UPRT: variants seen among roughly 807,000 people sequenced by gnomAD.
The protein encoded by UPRT is uracil phosphoribosyltransferase homolog, also known as RP11-311P8.3.
In UPRT, 5 loss-of-function variants were observed where a neutral mutation model predicts 22.6. That is an observed-to-expected ratio of 0.22 (90% CI 0.12 to 0.47). The LOEUF is 0.47. Among genes scored for constraint, UPRT ranks in the 20% least tolerant of loss-of-function variants. The pLI is 0.99. For synonymous variants in UPRT, 77 were observed against 87.7 expected, an observed-to-expected ratio of 0.88 and a Z score of 0.68; for missense variants, 181 against 239.9, an observed-to-expected ratio of 0.75 and a Z score of 1.62.
At chrX:75,170,915 C>G (rs938185834) in intron 4 of UPRT, among the ~76,000 whole-genome samples, 5 of 111,627 alleles carry the variant, frequency 4.5e-5, no homozygotes, top group African/African-American at 9.8e-5. Flanking sequence ...TCCCTTCTAA[C>G]TTGTAGGGTT....
At chrX:75,235,660 T>C (rs769442315) in intron 4 of UPRT, among the ~76,000 whole-genome samples, 13 of 111,972 alleles carry the variant, frequency 1.2e-4, no homozygotes, top group African/African-American at 3.9e-4. Flanking sequence ...AATCAATAAA[T>C]GTAATCCAGC....
intron 4 of UPRT, among the ~76,000 whole-genome samples, chrX:75,214,655 A>G (rs1331393904): frequency 8.9e-6 from 1 of 112,418 alleles, no homozygotes; most frequent in Admixed American, 9.4e-5. Context: ...CATGCCTGTA[A>G]TTTCAACACT....
chrX:75,194,512 G>A (rs1015983642), intron 4 of UPRT, among the ~76,000 whole-genome samples: 2 of 111,311 alleles, frequency 1.8e-5, no homozygotes, highest in African/African-American at 6.5e-5. Flanking sequence ...GGGTTCAGGG[G>A]TGCCATCCTC....
chrX:75,289,798 G>T (rs1391760642), intron 1 of UPRT, among the ~76,000 whole-genome samples: 2 of 110,839 alleles, frequency 1.8e-5, no homozygotes, highest in African/African-American at 6.5e-5. Flanking sequence ...TCACCATGTA[G>T]AAAACTTAAG....
intron 1 of UPRT, among the ~76,000 whole-genome samples, chrX:75,159,552 G>A (rs1330745955): frequency 9.0e-6 from 1 of 111,394 alleles, no homozygotes; most frequent in Non-Finnish European, 1.9e-5. Context: ...TTCAAAATCC[G>A]AATTTTAATT....
chrX:75,230,437 C>T (rs2082434862), intron 4 of UPRT, among the ~76,000 whole-genome samples: 1 of 111,685 alleles, frequency 9.0e-6, no homozygotes, highest in Non-Finnish European at 1.9e-5. Flanking sequence ...AGATTATATC[C>T]CCCTTCTACT....
chrX:75,251,060 C>T (rs927317274), intron 4 of UPRT, among the ~76,000 whole-genome samples: 7 of 111,410 alleles, frequency 6.3e-5, no homozygotes, highest in African/African-American at 2.3e-4. Context: ...TGGGATGTAT[C>T]TCAAAATAAT....
At chrX:75,247,854 G>C (rs1011306253) in intron 4 of UPRT, among the ~76,000 whole-genome samples, 1 of 111,552 alleles carries the variant, frequency 9.0e-6, no homozygotes. Flanking sequence ...TCACAGGGCC[G>C]GGTACTCCTC....
chrX:75,299,674 C>T (rs1044664869), intron 4 of UPRT, 61 bp from the exon 5 acceptor site: 1 of 1,092,107 alleles, frequency 9.2e-7, no homozygotes, highest in Admixed American at 3.0e-5. Flanking sequence ...ATACTTTGGC[C>T]TGTTCTTGGA....
intron 4 of UPRT, among the ~76,000 whole-genome samples, chrX:75,217,618 G>T (rs1246487587): frequency 3.6e-5 from 4 of 111,942 alleles, no homozygotes; most frequent in African/African-American, 6.5e-5. Flanking sequence ...TCTGTTGTTG[G>T]TGTATAAGAA....
At chrX:75,290,415 A>G (rs751467762) in intron 1 of UPRT, among the ~76,000 whole-genome samples, 14 of 111,765 alleles carry the variant, frequency 1.3e-4, no homozygotes, top group African/African-American at 4.5e-4. Context: ...AATTATTAGA[A>G]ACCATTTGAC....
chrX:75,303,210 G>A (rs909278315), intron 6 of UPRT, among the ~76,000 whole-genome samples, 195 bp from the exon 7 acceptor site: 6 of 111,708 alleles, frequency 5.4e-5, no homozygotes, highest in African/African-American at 2.0e-4. Context: ...GATGGAGGGG[G>A]CATAATCTGA....
intron 4 of UPRT, among the ~76,000 whole-genome samples, chrX:75,235,206 G>C (rs373048724): frequency 4.5e-5 from 5 of 111,520 alleles, no homozygotes; most frequent in East Asian, 5.6e-4. Context: ...ATAAATTCCT[G>C]GACACATACA....
At chrX:75,256,013 A>T (rs1437196256) in intron 4 of UPRT, among the ~76,000 whole-genome samples, 1 of 111,907 alleles carries the variant, frequency 8.9e-6, no homozygotes. Flanking sequence ...GAGCAAATTG[A>T]CTTAACAGAT....
At chrX:75,176,441 C>T (rs1206561183) in intron 4 of UPRT, among the ~76,000 whole-genome samples, 2 of 111,404 alleles carry the variant, frequency 1.8e-5, no homozygotes, top group African/African-American at 6.5e-5. Context: ...AAAGGTTTGC[C>T]CTAGACCCTG....
chrX:75,233,849 C>T (rs1247679439), intron 4 of UPRT, among the ~76,000 whole-genome samples: 1 of 110,511 alleles, frequency 9.0e-6, no homozygotes, highest in African/African-American at 3.3e-5. Flanking sequence ...ATGTAAAGAC[C>T]ATCGAGACTA....
At chrX:75,254,242 G>A (rs1602476073) in intron 4 of UPRT, among the ~76,000 whole-genome samples, 2 of 111,692 alleles carry the variant, frequency 1.8e-5, no homozygotes, top group East Asian at 5.6e-4. Context: ...AATCAGGAAT[G>A]CACCAGAGAA....
intron 4 of UPRT, among the ~76,000 whole-genome samples, chrX:75,214,753 T>TA (rs1201662875): frequency 9.0e-6 from 1 of 110,711 alleles, no homozygotes; most frequent in Non-Finnish European, 1.9e-5. Flanking sequence ...CTACAAAAAA[T>TA]AAAAAATAAA....
chrX:75,185,322 T>C (rs1602443542), intron 4 of UPRT, among the ~76,000 whole-genome samples: 1 of 112,253 alleles, frequency 8.9e-6, no homozygotes, highest in African/African-American at 3.2e-5. Context: ...CTGGATTACA[T>C]TTATTGATTT....
Sources: allele counts gnomAD v4.1 joint callset (sites outside exome capture counted in the v4.1 genomes callset), GRCh38; gene constraint gnomAD v4.1.1; transcripts MANE v1.5; gene names NCBI Gene and HGNC (gene_info 2026-07-23, HGNC 2026-07-21).